The following ST14 variants were observed in gnomAD, a reference collection of about 807,000 sequenced individuals.
ST14 encodes the protein ST14 transmembrane serine protease matriptase, also known as suppressor of tumorigenicity 14 protein.
A neutral mutation model predicts 96.5 loss-of-function variants in ST14; 40 were observed. The ratio of observed to expected loss-of-function variants is 0.41; its 90% CI spans 0.32 to 0.54. ST14 has a LOEUF of 0.54. Ranked by LOEUF, ST14 falls within the 20% of genes least tolerant of loss-of-function variation. The probability of loss-of-function intolerance (pLI) is 0.17; values close to 1 mark genes in which losing one functional copy is unlikely to be tolerated. For missense variants in ST14, 1,066 were observed against 1,188.9 expected (o/e 0.90, Z 1.52); for synonymous variants, 506 against 492.1 (o/e 1.03, Z -0.37).
rs1241567719 is a variant in ST14 at position 130,159,832 on chromosome 11, C to T, written c.-148C>T. 8.3e-6 allele frequency: 2 copies of T among 240,618 alleles called. No homozygotes were observed. The highest frequency in any genetic ancestry group is 1.5e-5 in the Non-Finnish European group (2 of 129,682). 14.9% of individuals were successfully genotyped at this position (240,618 alleles called of 1,614,324 possible). A position where few individuals can be genotyped will look rare whatever the true frequency, so the allele number is the denominator to read the frequency against. ...AAGAGGAAGAGGGAGAGAGAGCGCG[C>T]CAGGGCGAGGGCACCGCCGCCGGTC... On this transcript the variant is annotated 5_prime_UTR_variant, in exon 1 of 19. Coordinates refer to ENST00000278742, the MANE Select transcript of ST14 (RefSeq NM_021978.4).
At chr11:130,196,138 C>A (rs1428123563) in intron 9 of ST14, among the ~76,000 whole-genome samples, 1 of 152,028 alleles carries the variant, frequency 6.6e-6, no homozygotes, top group African/African-American at 2.4e-5. Flanking sequence ...CCAGCCTGGG[C>A]GACAGAGCAA....
intron 1 of ST14, among the ~76,000 whole-genome samples, chr11:130,185,519 G>A (rs952660882): frequency 2.6e-5 from 4 of 152,164 alleles, no homozygotes; most frequent in Middle Eastern, 3.4e-3. Flanking sequence ...AACTGGACAC[G>A]GTGGTGTACA....
At chr11:130,161,544 C>T (rs1292996742) in intron 1 of ST14, among the ~76,000 whole-genome samples, 1 of 152,206 alleles carries the variant, frequency 6.6e-6, no homozygotes, top group Non-Finnish European at 1.5e-5. Context: ...AGCCATCTCA[C>T]CACCTGACAA....
chr11:130,194,787 C>A, intron 9 of ST14, 50 bp downstream of exon 9: 1 of 1,578,932 alleles, frequency 6.3e-7, no homozygotes, highest in Non-Finnish European at 8.7e-7. Context: ...CATGTATGTG[C>A]ACGTGTGTGT....
intron 1 of ST14, among the ~76,000 whole-genome samples, chr11:130,178,381 T>C (rs990840206): frequency 1.1e-5 from 1 of 90,686 alleles, no homozygotes; most frequent in Non-Finnish European, 1.8e-5. Flanking sequence ...GGTGCCGAAG[T>C]CCTGCTCTTT....
intron 16 of ST14, among the ~76,000 whole-genome samples, chr11:130,205,661 A>ATG (rs1304367450): frequency 6.7e-6 from 1 of 149,222 alleles, no homozygotes; most frequent in African/African-American, 2.5e-5. Context: ...CGCGTCATAA[A>ATG]TGTCCTCCAA....
chr11:130,198,746 T>C, intron 14 of ST14, 125 bp downstream of exon 14: 1 of 1,352,340 alleles, frequency 7.4e-7, no homozygotes, highest in Non-Finnish European at 1.0e-6. Context: ...TTAAGTGTGA[T>C]GAGAAAGGGC....
intron 1 of ST14, among the ~76,000 whole-genome samples, chr11:130,161,439 C>G (rs2136199399): frequency 6.6e-6 from 1 of 152,338 alleles, no homozygotes; most frequent in South Asian, 2.1e-4. Context: ...TGCCCCCACC[C>G]CAAGTTTGTT....
rs574825680 is a variant in ST14, at chr11:130,183,042, T to C, written c.82-5072T>C. On this transcript the variant is annotated intron_variant, in intron 1 of 18. Coordinates refer to ENST00000278742, the MANE Select transcript of ST14 (RefSeq NM_021978.4). ...CACGATTTTGGCTCACCGCAACCTC[T>C]GCCTCCTGGGTTCAAGCGACTCTCC... Among the ~76,000 whole-genome samples the C allele has an allele frequency of 2.5e-4, 38 of 151,914 alleles. No homozygotes were observed. The South Asian group carries it at 6.5e-3, about 26-fold the overall frequency.
chr11:130,196,410 C>T lies in ST14; in HGVS notation c.1185C>T (p.Gly395=). The T allele has an allele frequency of 4.3e-6, 7 of 1,610,482 alleles. No homozygotes were observed. Among genetic ancestry groups the T allele is most frequent in the Non-Finnish European group, 5.9e-6 (7 of 1,178,678 alleles). The change falls in exon 10 of 19, where the codon GGC becomes GGT. Residue 395 remains glycine (G), a synonymous_variant. Coordinates refer to ENST00000278742, the MANE Select transcript of ST14 (RefSeq NM_021978.4). ...TGCTGGAGCCCGGCGTGCCTGCGGG[C>T]ACCTGCCCCAAGGACTACGTGGAGA... is the stretch of plus-strand genomic sequence containing the variant. ...FYLLEPGVPA[G]TCPKDYVEIN...
chr11:130,171,345 T>C (rs755539466), intron 1 of ST14, among the ~76,000 whole-genome samples: 9 of 152,244 alleles, frequency 5.9e-5, no homozygotes, highest in Non-Finnish European at 8.8e-5. Context: ...AGATCTCTTA[T>C]TGAAGGTATG....
At chr11:130,191,962 C>A (rs1182892597) in intron 7 of ST14, among the ~76,000 whole-genome samples, 1 of 152,208 alleles carries the variant, frequency 6.6e-6, no homozygotes, top group Admixed American at 6.5e-5. Flanking sequence ...CCTTTCCTAT[C>A]TCTAAGCATT....
intron 10 of ST14, 30 bp downstream of exon 10, chr11:130,196,478 G>T: frequency 6.3e-7 from 1 of 1,590,152 alleles, no homozygotes; most frequent in Non-Finnish European, 8.6e-7. Context: ...GGGGCTGCCG[G>T]GCCCATGCTG....
At chr11:130,168,011 A>G (rs1953057214) in intron 1 of ST14, among the ~76,000 whole-genome samples, 1 of 152,172 alleles carries the variant, frequency 6.6e-6, no homozygotes, top group Admixed American at 6.5e-5. Context: ...CACCGTGCCC[A>G]GCCTATTTTT....
Position 130,198,565 on chromosome 11 carries a change from A to G in ST14, c.1628A>G (p.Gln543Arg), listed in dbSNP as rs1460543449. 1.2e-6 allele frequency: 2 copies of G among 1,614,114 alleles called. No homozygotes were observed. Among genetic ancestry groups the G allele is most frequent in the East Asian group, 2.2e-5 (1 of 44,876 alleles). Reference protein sequence around the residue: ...SNGKCLSKSQQCNGKDDCGDG... With the variant: ...SNGKCLSKSQRCNGKDDCGDG... ...GGGAAGTGCCTCTCGAAAAGCCAGC[A>G]GTGCAATGGGAAGGACGACTGTGGG... The change falls in exon 14 of 19, where the codon CAG becomes CGG. Residue 543 changes from glutamine to arginine, a missense_variant. Gln to Arg is a conservative substitution (Grantham distance 43). Coordinates refer to ENST00000278742, the MANE Select transcript of ST14 (RefSeq NM_021978.4).
chr11:130,198,194 G>A lies in ST14; in HGVS notation c.1460-114G>A. 2.8e-6 allele frequency: 3 copies of A among 1,076,336 alleles called. No individual in the cohort carries two copies. In the Admixed American group the frequency reaches 5.1e-5, roughly 18 times the overall value. 66.7% of individuals were successfully genotyped at this position (1,076,336 alleles called of 1,614,324 possible). ...GGTAGCTGGTGGAGCAGGGCCCCTT[G>A]GGCCTCTCTGTAGATCAGAAAGCGG... On this transcript the variant is annotated intron_variant, in intron 12 of 18. Transcript: ENST00000278742.
chr11:130,205,593 A>C (rs1259671830), intron 16 of ST14, among the ~76,000 whole-genome samples: 1 of 151,680 alleles, frequency 6.6e-6, no homozygotes, highest in Non-Finnish European at 1.5e-5. Context: ...CTCCAAAAAC[A>C]CGGATGCTGT....
chr11:130,166,401 C>T (rs556727717), intron 1 of ST14, among the ~76,000 whole-genome samples: 1 of 152,268 alleles, frequency 6.6e-6, no homozygotes, highest in African/African-American at 2.4e-5. Flanking sequence ...AGGCTTGTGT[C>T]TGATTGAAAG....
In ST14 at chr11:130,198,406, G is replaced by A; in HGVS notation, c.1558G>A (p.Glu520Lys). 2 of 1,614,170 alleles carry A rather than the reference G, an allele frequency of 1.2e-6. No homozygotes were observed. Among genetic ancestry groups the A allele is most frequent in the South Asian group, 1.1e-5 (1 of 91,090 alleles). Residue 520 changes from glutamate (E) to lysine (K), a missense_variant, in exon 13 of 19, where the codon GAG becomes AAG. Coordinates refer to ENST00000278742, the MANE Select transcript of ST14 (RefSeq NM_021978.4). ...SVNDCGDNSD[E>K]QGCSCPAQTF... ...GAACGACTGCGGAGACAACAGCGACGAGCAGGGGTGCAGTGAGTGCTGGGG... is the reference window on the plus strand; with the variant it reads ...GAACGACTGCGGAGACAACAGCGACAAGCAGGGGTGCAGTGAGTGCTGGGG...
Sources: gnomAD v4.1 joint callset for allele counts (sites outside exome capture counted in the v4.1 genomes callset) on GRCh38, gnomAD v4.1.1 for gene constraint, MANE v1.5 for transcripts, NCBI Gene and HGNC (gene_info 2026-07-23, HGNC 2026-07-21) for gene names.